The following RFX3 variants were observed in gnomAD, a reference collection of about 807,000 sequenced individuals.
RFX3 encodes regulatory factor X3, also known as transcription factor RFX3.
Under a neutral mutation model 98.6 loss-of-function variants are expected in RFX3, and 14 were observed. That is an observed-to-expected ratio of 0.14 (90% CI 0.09 to 0.22). The LOEUF is 0.22. Ranked by LOEUF, RFX3 falls within the 10% of genes least tolerant of loss-of-function variation. The pLI, the probability that RFX3 is intolerant of heterozygous loss-of-function variation, is 1.00. For synonymous variants in RFX3, 383 were observed against 328.4 expected (o/e 1.17, Z -1.80); for missense variants, 639 against 926.9 (o/e 0.69, Z 4.03).
At chr9:3,511,630 A>G (rs766201726) in intron 1 of RFX3, among the ~76,000 whole-genome samples, 6 of 152,040 alleles carry the variant, frequency 3.9e-5, no homozygotes, top group Admixed American at 6.6e-5. Flanking sequence ...TCCCTCATCA[A>G]CTTACAAAAT....
chr9:3,505,262 T>A (rs1232092623), intron 1 of RFX3, among the ~76,000 whole-genome samples: 2 of 73,596 alleles, frequency 2.7e-5, no homozygotes, highest in African/African-American at 1.8e-4. Flanking sequence ...GAATATATAT[T>A]TATATATATA....
chr9:3,234,454 C>A (rs763018644), intron 15 of RFX3, among the ~76,000 whole-genome samples: 1 of 152,170 alleles, frequency 6.6e-6, no homozygotes, highest in Non-Finnish European at 1.5e-5. Context: ...GCCTGGGCAA[C>A]ATGGCAAAAC....
intron 9 of RFX3, among the ~76,000 whole-genome samples, chr9:3,274,937 CAT>C (rs778868634): frequency 1.6e-4 from 24 of 151,912 alleles, no homozygotes; most frequent in South Asian, 8.3e-4. Flanking sequence ...CATAAACACA[CAT>C]GTTATTTTTC....
intron 1 of RFX3, among the ~76,000 whole-genome samples, chr9:3,398,138 C>A (rs1037572975): frequency 1.3e-5 from 2 of 152,184 alleles, no homozygotes; most frequent in Non-Finnish European, 2.9e-5. Flanking sequence ...CAAACACACA[C>A]ACACACACAA....
intron 2 of RFX3, among the ~76,000 whole-genome samples, chr9:3,383,158 TC>T (rs1168947999): frequency 1.3e-5 from 2 of 152,186 alleles, no homozygotes; most frequent in Admixed American, 6.6e-5. Context: ...TTATCATTTT[TC>T]CCTCTTTTTT....
Position 3,220,880 on chromosome 9 carries a change from A to G in RFX3, c.*4162T>C, listed in dbSNP as rs1290340823. ...TTGCAGAAATACTAGGATTCCATTA[A>G]TTGATTCGTTCTAACCATATACATG... On this transcript the variant is annotated 3_prime_UTR_variant, in exon 17 of 17. Coordinates refer to ENST00000617270, the MANE Select transcript of RFX3 (RefSeq NM_001282116.2). The G allele has an allele frequency of 1.3e-5, 2 of 152,164 alleles. No homozygotes were observed. The highest frequency in any genetic ancestry group is 1.9e-4 in the East Asian group (1 of 5,200). The allele number at this position is 152,164 out of a possible 1,614,324, so 9.4% of individuals were successfully genotyped here.
intron 1 of RFX3, among the ~76,000 whole-genome samples, chr9:3,498,038 A>T (rs545701205): frequency 3.3e-5 from 5 of 152,130 alleles, no homozygotes; most frequent in Admixed American, 3.3e-4. Context: ...GCTGTCAAAG[A>T]CTGTAGTTCC....
At chr9:3,354,216 A>G (rs1213821281) in intron 2 of RFX3, among the ~76,000 whole-genome samples, 15 of 152,044 alleles carry the variant, frequency 9.9e-5, no homozygotes, top group Admixed American at 9.9e-4. Flanking sequence ...CAGAAAACAT[A>G]CTGAATAAAG....
chr9:3,237,683 T>A (rs909348701), intron 15 of RFX3, among the ~76,000 whole-genome samples: 1 of 152,122 alleles, frequency 6.6e-6, no homozygotes, highest in Non-Finnish European at 1.5e-5. Flanking sequence ...AAAAGCCCTA[T>A]GAAAAAATGT....
At position 3,320,730 on chromosome 9, in the gene RFX3, A is replaced by C. The variant is rs527767523; in HGVS notation, c.474+9529T>G. Reference sequence around the variant, plus strand: ...CATATATATACATACATACACACACATATGTGCCTATATATACATATAATG... The same window carrying C: ...CATATATATACATACATACACACACCTATGTGCCTATATATACATATAATG... On this transcript the variant is annotated intron_variant, in intron 4 of 16. Coordinates refer to ENST00000617270, the MANE Select transcript of RFX3 (RefSeq NM_001282116.2). 1.6e-5 allele frequency among the ~76,000 whole-genome samples: 2 copies of C among 124,450 alleles called. 1 individual carries two copies. The highest frequency in any genetic ancestry group is 4.2e-4 in the East Asian group (2 of 4,818). 81.6% of individuals were successfully genotyped at this position (124,450 alleles called of 152,430 possible). A position where few individuals can be genotyped will look rare whatever the true frequency, so the allele number is the denominator to read the frequency against.
chr9:3,376,786 C>T (rs1349988102), intron 2 of RFX3, among the ~76,000 whole-genome samples: 9 of 152,236 alleles, frequency 5.9e-5, no homozygotes, highest in East Asian at 1.9e-4. Flanking sequence ...GGGCAAAGGA[C>T]ATGAACAGAC....
chr9:3,434,259 ATAAATATT>A (rs1409040907), intron 1 of RFX3, among the ~76,000 whole-genome samples: 26 of 152,156 alleles, frequency 1.7e-4, no homozygotes, highest in African/African-American at 6.3e-4. Flanking sequence ...AAAGCACTCA[ATAAATATT>A]TAAGAAATGA....
At chr9:3,374,501 G>T (rs558848584) in intron 2 of RFX3, among the ~76,000 whole-genome samples, 9 of 152,194 alleles carry the variant, frequency 5.9e-5, no homozygotes, top group Non-Finnish European at 1.2e-4. Flanking sequence ...ACAAAATGTG[G>T]TATATATCCA....
chr9:3,320,666 G>GA (rs1831163664), intron 4 of RFX3, among the ~76,000 whole-genome samples: 2 of 131,856 alleles, frequency 1.5e-5, no homozygotes, highest in Non-Finnish European at 3.1e-5. Flanking sequence ...GCTCAACATG[G>GA]AGACTTTTTT....
At chr9:3,469,708 G>C (rs1029846042) in intron 1 of RFX3, among the ~76,000 whole-genome samples, 1 of 151,710 alleles carries the variant, frequency 6.6e-6, no homozygotes. Flanking sequence ...AAATTCAACC[G>C]TACAAAATCA....
At chr9:3,519,197 T>G (rs1437853055) in intron 1 of RFX3, among the ~76,000 whole-genome samples, 1 of 152,184 alleles carries the variant, frequency 6.6e-6, no homozygotes, top group Admixed American at 6.5e-5. Context: ...GCAAACCTAG[T>G]AAAAGGAGCC....
chr9:3,438,631 G>A (rs1487104541), intron 1 of RFX3, among the ~76,000 whole-genome samples: 1 of 151,976 alleles, frequency 6.6e-6, no homozygotes, highest in Non-Finnish European at 1.5e-5. Context: ...ACAACATGCT[G>A]CCTGTGAGAA....
At position 3,360,382 on chromosome 9, in the gene RFX3, G is replaced by A. The variant is rs1340218082; in HGVS notation, c.118-13618C>T. Reference sequence around the variant, plus strand: ...AATTAAGTGTTCAATGAATTAAAATGACCTGACCATATCAGGTTTAAAATG... The same window carrying A: ...AATTAAGTGTTCAATGAATTAAAATAACCTGACCATATCAGGTTTAAAATG... On this transcript the variant is annotated intron_variant, in intron 2 of 16. Coordinates refer to ENST00000617270, the MANE Select transcript of RFX3 (RefSeq NM_001282116.2). 2.6e-5 allele frequency among the ~76,000 whole-genome samples: 4 copies of A among 152,066 alleles called. No homozygotes were observed. In the South Asian group the frequency reaches 8.3e-4, roughly 32 times the overall value.
chr9:3,504,206 ATATATTATATAC>A (rs1402527578), intron 1 of RFX3, among the ~76,000 whole-genome samples: 12 of 131,068 alleles, frequency 9.2e-5, no homozygotes, highest in East Asian at 2.2e-4. Context: ...TATATATTAT[ATATATTATATAC>A]TATATTATAT....
Sources: allele counts gnomAD v4.1 joint callset (sites outside exome capture counted in the v4.1 genomes callset), GRCh38; gene constraint gnomAD v4.1.1; transcripts MANE v1.5; gene names NCBI Gene and HGNC (gene_info 2026-07-23, HGNC 2026-07-21).